The following ZBTB41 variants were observed in gnomAD, a reference collection of about 807,000 sequenced individuals.
ZBTB41 encodes the protein zinc finger and BTB domain containing 41, also known as zinc finger and BTB domain-containing protein 41.
A neutral mutation model predicts 87.6 loss-of-function variants in ZBTB41; 42 were observed. The ratio of observed to expected loss-of-function variants is 0.48; its 90% CI spans 0.37 to 0.62. The LOEUF (loss-of-function observed/expected upper bound fraction) is 0.62, where lower values mean the gene tolerates loss of function less well. Ranked by LOEUF, ZBTB41 falls within the 20% of genes least tolerant of loss-of-function variation. ZBTB41 has a pLI of 0.00. For synonymous variants in ZBTB41, 364 were observed against 364.0 expected, an observed-to-expected ratio of 1.00 and a Z score of 0.00; for missense variants, 799 against 1,078.9, an observed-to-expected ratio of 0.74 and a Z score of 3.63.
chr1:197,174,295 A>G (rs1659548641), intron 9 of ZBTB41, among the ~76,000 whole-genome samples: 1 of 152,162 alleles, frequency 6.6e-6, no homozygotes, highest in Non-Finnish European at 1.5e-5. Context: ...ACTGAGCAGA[A>G]TAAGATCAGA....
chr1:197,183,002 C>A (rs187620510), intron 5 of ZBTB41, among the ~76,000 whole-genome samples: 4 of 152,092 alleles, frequency 2.6e-5, no homozygotes, highest in Non-Finnish European at 4.4e-5. Context: ...AGACGGAATG[C>A]AAAAGAAGCT....
chr1:197,157,016 G>C lies in ZBTB41; in HGVS notation c.*2343C>G, dbSNP rs936764729. ...AGGGCTGGTTATGAGGTTCAAATGA[G>C]ATAACATATATGAAAGCATTTTATA... On this transcript the variant is annotated 3_prime_UTR_variant, in exon 11 of 11. Transcript: ENST00000367405. 3.3e-5 allele frequency: 5 copies of C among 152,010 alleles called. No homozygotes were observed. Among genetic ancestry groups the C allele is most frequent in the Non-Finnish European group, 7.4e-5 (5 of 67,672 alleles). 9.4% of individuals were successfully genotyped at this position (152,010 alleles called of 1,614,324 possible).
intron 5 of ZBTB41, among the ~76,000 whole-genome samples, chr1:197,183,652 A>G (rs1207351437): frequency 6.6e-6 from 1 of 152,212 alleles, no homozygotes; most frequent in Non-Finnish European, 1.5e-5. Flanking sequence ...TAGTATCCCC[A>G]GATCCTAACA....
intron 4 of ZBTB41, 40 bp from the exon 5 acceptor site, chr1:197,188,479 T>C (rs1328525658): frequency 6.6e-7 from 1 of 1,516,334 alleles, no homozygotes; most frequent in Admixed American, 2.3e-5. Context: ...AGAACCTGAA[T>C]TAAAAATTGT....
At chr1:197,189,006 TC>T (rs1659954106) in intron 4 of ZBTB41, among the ~76,000 whole-genome samples, 1 of 152,200 alleles carries the variant, frequency 6.6e-6, no homozygotes, top group Non-Finnish European at 1.5e-5. Context: ...TCACAATAAT[TC>T]TGTGAGATAG....
At chr1:197,194,207 C>T (rs1017490443) in intron 2 of ZBTB41, among the ~76,000 whole-genome samples, 3 of 151,844 alleles carry the variant, frequency 2.0e-5, no homozygotes, top group East Asian at 1.9e-4. Flanking sequence ...TTAGTAGACA[C>T]GGGTTTCATC....
Position 197,159,129 on chromosome 1 carries a change from AAAT to A in ZBTB41, c.*227_*229del, listed in dbSNP as rs1659136563. On this transcript the variant is annotated 3_prime_UTR_variant, in exon 11 of 11. Coordinates refer to ENST00000367405, the MANE Select transcript of ZBTB41 (RefSeq NM_194314.3). ...TAAGAAACCATTAAAAGTTAGCACT[AAAT>A]AATCTTTAAAAATCACAAAAATGTG... The A allele has an allele frequency of 2.1e-6, 1 of 474,042 alleles. No homozygotes were observed. The highest frequency in any genetic ancestry group is 1.9e-5 in the African/African-American group (1 of 51,304). The allele number at this position is 474,042 out of a possible 1,614,324, so 29.4% of individuals were successfully genotyped here.
intron 6 of ZBTB41, among the ~76,000 whole-genome samples, chr1:197,179,687 G>A (rs1659697368): frequency 6.6e-6 from 1 of 152,010 alleles, no homozygotes; most frequent in South Asian, 2.1e-4. Context: ...TGATATTGAT[G>A]ATCCTGACCC....
chr1:197,189,753 G>A (rs1197956305), intron 4 of ZBTB41, among the ~76,000 whole-genome samples: 3 of 152,040 alleles, frequency 2.0e-5, no homozygotes, highest in African/African-American at 7.2e-5. Context: ...TTTTATCTAG[G>A]TTTCTTGGAA....
At chr1:197,180,235 C>A (rs1156562367) in intron 6 of ZBTB41, among the ~76,000 whole-genome samples, 1 of 152,132 alleles carries the variant, frequency 6.6e-6, no homozygotes, top group Admixed American at 6.6e-5. Context: ...ACATGCTATA[C>A]AGGTTTGTAG....
chr1:197,184,738 T>C (rs1441539510), intron 5 of ZBTB41, among the ~76,000 whole-genome samples: 1 of 152,116 alleles, frequency 6.6e-6, no homozygotes, highest in African/African-American at 2.4e-5. Flanking sequence ...ATAAACTATT[T>C]TATAGTTCTT....
chr1:197,192,099 G>A (rs987637886), intron 2 of ZBTB41, among the ~76,000 whole-genome samples, 200 bp from the exon 3 acceptor site: 1 of 151,790 alleles, frequency 6.6e-6, no homozygotes, highest in African/African-American at 2.4e-5. Context: ...TGTTCAAAGT[G>A]TACTTTTCCT....
intron 2 of ZBTB41, among the ~76,000 whole-genome samples, chr1:197,192,575 T>C (rs1660063587): frequency 6.6e-6 from 1 of 152,174 alleles, no homozygotes. Flanking sequence ...TCTAGTAATT[T>C]GAATTAGAAA....
At chr1:197,173,580 C>T (rs1408395469) in intron 9 of ZBTB41, among the ~76,000 whole-genome samples, 17 of 151,890 alleles carry the variant, frequency 1.1e-4, no homozygotes. Flanking sequence ...AATTTATTTT[C>T]TTTTATTGTT....
intron 7 of ZBTB41, among the ~76,000 whole-genome samples, 195 bp from the exon 8 acceptor site, chr1:197,176,865 C>T (rs1659621509): frequency 6.6e-6 from 1 of 152,096 alleles, no homozygotes; most frequent in African/African-American, 2.4e-5. Context: ...CTACTCATCT[C>T]TTTCAAGAAA....
At chr1:197,182,697 G>T (rs1000381008) in intron 5 of ZBTB41, among the ~76,000 whole-genome samples, 1 of 152,078 alleles carries the variant, frequency 6.6e-6, no homozygotes. Flanking sequence ...TGATTTAACA[G>T]AATATATATT....
intron 2 of ZBTB41, among the ~76,000 whole-genome samples, chr1:197,194,618 G>A (rs372582082): frequency 2.9e-3 from 398 of 135,518 alleles, no homozygotes; most frequent in Middle Eastern, 3.8e-3. Flanking sequence ...ATTTAAGCAA[G>A]AAAAAAAAAA....
intron 10 of ZBTB41, among the ~76,000 whole-genome samples, chr1:197,162,966 C>G (rs1659235162): frequency 6.6e-6 from 1 of 152,144 alleles, no homozygotes; most frequent in South Asian, 2.1e-4. Context: ...TTAAAAGAAA[C>G]ATTTGCTGGG....
Position 197,199,906 on chromosome 1 carries a change from A to G in ZBTB41, c.568T>C (p.Ser190Pro). ...APFHSELTEK[S>P]SPEETLNELT... is the part of the protein sequence containing the mutation. ...TCATTTAGTGTTTCTTCTGGTGATG[A>G]CTTTTCAGTTAGCTCTGAATGAAAA... Residue 190 changes from serine to proline, a missense_variant, in exon 2 of 11, where the codon TCA (serine) becomes CCA (proline). Ser to Pro is a moderately conservative substitution (Grantham distance 74, BLOSUM62 -1). Around this residue, in one of 5 missense-constraint regions of ZBTB41, gnomAD observed 294 missense variants for 340.1 expected, o/e 0.86. Coordinates refer to ENST00000367405, the MANE Select transcript of ZBTB41 (RefSeq NM_194314.3). The G allele has an allele frequency of 1.9e-6, 3 of 1,612,064 alleles. No individual in the cohort carries two copies. Among genetic ancestry groups the G allele is most frequent in the Non-Finnish European group, 2.5e-6 (3 of 1,179,064 alleles).
Sources: gnomAD v4.1 joint callset for allele counts (sites outside exome capture counted in the v4.1 genomes callset) on GRCh38, gnomAD v4.1.1 for gene constraint, gnomAD v4.1.1 regional missense constraint, MANE v1.5 for transcripts, NCBI Gene and HGNC (gene_info 2026-07-23, HGNC 2026-07-21) for gene names.